KMT2C: variants seen among roughly 807,000 people sequenced by gnomAD.
The protein encoded by KMT2C is lysine methyltransferase 2C.
KMT2C carries 88 observed loss-of-function variants against 507.9 expected under a neutral mutation model. The ratio of observed to expected loss-of-function variants is 0.17; its 90% CI spans 0.15 to 0.21. The LOEUF is 0.21. Ranked by LOEUF, KMT2C falls within the 10% of genes least tolerant of loss-of-function variation. The pLI is 1.00. For missense variants in KMT2C, 4,954 were observed against 5,957.8 expected, an observed-to-expected ratio of 0.83 and a Z score of 5.55; for synonymous variants, 2,049 against 2,080.8, an observed-to-expected ratio of 0.98 and a Z score of 0.42.
At chr7:152,225,724 G>GA (rs1451105009) in intron 18 of KMT2C, among the ~76,000 whole-genome samples, 1 of 152,110 alleles carries the variant, frequency 6.6e-6, no homozygotes, top group African/African-American at 2.4e-5. Context: ...AACATACCTA[G>GA]AAGCCACTGG....
intron 53 of KMT2C, 46 bp downstream of exon 53, chr7:152,146,553 A>AAGGG (rs2091118790): frequency 6.2e-7 from 1 of 1,602,148 alleles, no homozygotes; most frequent in Non-Finnish European, 8.5e-7. Flanking sequence ...GGTCACACTG[A>AAGGG]ATCAGGAAAG....
At chr7:152,208,791 TTTA>T (rs1288069429) in intron 23 of KMT2C, among the ~76,000 whole-genome samples, 1 of 152,252 alleles carries the variant, frequency 6.6e-6, no homozygotes, top group Non-Finnish European at 1.5e-5. Context: ...TCTTTTGTTT[TTTA>T]TTATATTTGG....
chr7:152,416,401 C>T (rs1490607843), intron 1 of KMT2C, among the ~76,000 whole-genome samples: 11 of 152,228 alleles, frequency 7.2e-5, no homozygotes, highest in Non-Finnish European at 1.2e-4. Flanking sequence ...AAAAATTAGC[C>T]GGGCATGGTG....
intron 43 of KMT2C, 81 bp from the exon 44 acceptor site, chr7:152,159,153 G>A (rs373798198): frequency 8.6e-5 from 101 of 1,169,738 alleles, no homozygotes; most frequent in African/African-American, 8.1e-4. Context: ...AAGCTATGAC[G>A]CGTCATCCTA....
chr7:152,288,811 A>G (rs2096354451), intron 6 of KMT2C, among the ~76,000 whole-genome samples: 1 of 152,238 alleles, frequency 6.6e-6, no homozygotes, highest in African/African-American at 2.4e-5. Flanking sequence ...CCTTATCCAC[A>G]GATGAAAAAC....
chr7:152,223,556 G>A (rs2094839174), intron 20 of KMT2C, among the ~76,000 whole-genome samples: 1 of 152,116 alleles, frequency 6.6e-6, no homozygotes, highest in African/African-American at 2.4e-5. Context: ...AACTTTAGGA[G>A]GCTGAGGCGG....
chr7:152,334,648 A>G (rs1482637063), intron 2 of KMT2C, among the ~76,000 whole-genome samples: 2 of 152,048 alleles, frequency 1.3e-5, no homozygotes, highest in African/African-American at 4.8e-5. Flanking sequence ...TCTAAAAGGA[A>G]GTGAGCTGCT....
intron 2 of KMT2C, among the ~76,000 whole-genome samples, chr7:152,351,988 A>T (rs189078530): frequency 1.3e-5 from 2 of 152,338 alleles, no homozygotes; most frequent in East Asian, 3.9e-4. Flanking sequence ...AACAAGAGAG[A>T]CAACCTTGAA....
At chr7:152,361,236 AAAAG>A (rs1463082517) in intron 1 of KMT2C, among the ~76,000 whole-genome samples, 2 of 152,110 alleles carry the variant, frequency 1.3e-5, no homozygotes. Context: ...TTCATGGACA[AAAAG>A]AAAGAACATC....
At chr7:152,427,011 T>C (rs1412875980) in intron 1 of KMT2C, among the ~76,000 whole-genome samples, 2 of 150,586 alleles carry the variant, frequency 1.3e-5, no homozygotes, top group Non-Finnish European at 3.0e-5. Flanking sequence ...GAGTTTTTTT[T>C]TGTTTTGTTT....
Position 152,180,071 on chromosome 7 carries a change from C to G in KMT2C, c.7205G>C (p.Gly2402Ala), listed in dbSNP as rs2129118274. Reference sequence around the variant, plus strand: ...GTCCTGTGACCCCTTCTCCTGTCGACCTGCAATCTTCTTCTGCTGTTGCTG... The same window carrying G: ...GTCCTGTGACCCCTTCTCCTGTCGAGCTGCAATCTTCTTCTGCTGTTGCTG... Reference protein sequence around the residue: ...LQQQQQKKIAGRQEKGSQDSP... With the variant: ...LQQQQQKKIAARQEKGSQDSP... The change falls in exon 37 of 59, where the codon GGT becomes GCT. Residue 2402 changes from glycine (G) to alanine (A), a missense_variant. By Grantham distance (60) the Gly-to-Ala change is moderately conservative. Around this residue, in one of 29 missense-constraint regions of KMT2C, gnomAD observed 1,689 missense variants for 1,654.3 expected, o/e 1.02. Transcript: ENST00000262189. The G allele has an allele frequency of 6.2e-7, 1 of 1,614,168 alleles. No individual in the cohort carries two copies. The highest frequency in any genetic ancestry group is 8.5e-7 in the Non-Finnish European group (1 of 1,180,026).
At chr7:152,209,189 G>C (rs1261284266) in intron 23 of KMT2C, among the ~76,000 whole-genome samples, 2 of 151,548 alleles carry the variant, frequency 1.3e-5, no homozygotes, top group Non-Finnish European at 2.9e-5. Context: ...AGGCACGGTG[G>C]CTCACGCCTG....
intron 1 of KMT2C, among the ~76,000 whole-genome samples, chr7:152,361,379 T>A (rs1018007677): frequency 6.6e-6 from 1 of 152,028 alleles, no homozygotes; most frequent in Non-Finnish European, 1.5e-5. Context: ...GCTAACACGG[T>A]GAAACCCCGT....
intron 1 of KMT2C, among the ~76,000 whole-genome samples, chr7:152,432,369 A>G (rs1314227618): frequency 6.6e-6 from 1 of 152,240 alleles, no homozygotes; most frequent in Non-Finnish European, 1.5e-5. Flanking sequence ...AAATTTTTTA[A>G]CATTAACACA....
chr7:152,399,753 C>G (rs1410430884), intron 1 of KMT2C, among the ~76,000 whole-genome samples: 1 of 151,708 alleles, frequency 6.6e-6, no homozygotes, highest in Non-Finnish European at 1.5e-5. Flanking sequence ...AAAAATAAAC[C>G]TTATTAACAT....
At chr7:152,352,222 C>T (rs897911481) in intron 2 of KMT2C, among the ~76,000 whole-genome samples, 2 of 152,246 alleles carry the variant, frequency 1.3e-5, no homozygotes, top group East Asian at 3.9e-4. Flanking sequence ...CGCTCCCAGG[C>T]TTATTAGGAA....
rs768116192 is a variant in KMT2C, at chr7:152,230,235, C to T, written c.2856G>A (p.Lys952=). The T allele has an allele frequency of 6.3e-7, 1 of 1,591,434 alleles. No individual in the cohort carries two copies. Among genetic ancestry groups the T allele is most frequent in the Non-Finnish European group, 8.6e-7 (1 of 1,166,792 alleles). ...AAGTTCAAACCTGATTCAAAGTGAACTTGTCACTGCTAGAAAACAACACAA... is the reference window on the plus strand; with the variant it reads ...AAGTTCAAACCTGATTCAAAGTGAATTTGTCACTGCTAGAAAACAACACAA... ...NTVVLFSSSD[K]FTLNQDMCVV... The change falls in exon 17 of 59, where the codon AAG becomes AAA. Residue 952 remains lysine (K), a synonymous_variant. Coordinates refer to ENST00000262189, the MANE Select transcript of KMT2C (RefSeq NM_170606.3).
At chr7:152,297,452 T>G (rs577149846) in intron 6 of KMT2C, among the ~76,000 whole-genome samples, 312 of 152,202 alleles carry the variant, frequency 2.0e-3, no homozygotes, top group Middle Eastern at 0.01. Context: ...GAGGAAACTA[T>G]GAGAATCCAG....
chr7:152,268,124 A>G (rs1384584734), intron 7 of KMT2C, among the ~76,000 whole-genome samples: 1 of 152,156 alleles, frequency 6.6e-6, no homozygotes, highest in Non-Finnish European at 1.5e-5. Context: ...TACTAAAAAT[A>G]CAAAATTAGC....
Sources: gnomAD v4.1 joint callset for allele counts (sites outside exome capture counted in the v4.1 genomes callset) on GRCh38, gnomAD v4.1.1 for gene constraint, gnomAD v4.1.1 regional missense constraint, MANE v1.5 for transcripts, NCBI Gene and HGNC (gene_info 2026-07-23, HGNC 2026-07-21) for gene names.